TAF3: variants seen among roughly 807,000 people sequenced by gnomAD.
TAF3 encodes the protein transcription initiation factor TFIID subunit 3.
A neutral mutation model predicts 80.6 loss-of-function variants in TAF3; 7 were observed. The ratio of observed to expected loss-of-function variants is 0.09; its 90% confidence interval spans 0.05 to 0.16. The LOEUF (loss-of-function observed/expected upper bound fraction) is 0.16, where lower values mean the gene tolerates loss of function less well. Among genes scored for constraint, TAF3 ranks in the 10% least tolerant of loss-of-function variants. The pLI is 1.00. For synonymous variants in TAF3, 444 were observed against 446.1 expected (o/e 1.00, Z 0.06); for missense variants, 921 against 1,140.2 (o/e 0.81, Z 2.77).
intron 4 of TAF3, among the ~76,000 whole-genome samples, chr10:7,981,403 C>T (rs180814689): frequency 1.5e-3 from 225 of 152,252 alleles, no homozygotes; most frequent in African/African-American, 5.1e-3. Context: ...CTGGTTGGGC[C>T]CCTCTAGACA....
chr10:7,824,182 A>G lies in TAF3; in HGVS notation c.167-136A>G, dbSNP rs544324396. ...GATTCTGTGATACTCTTTAAAATCTATTAAATTCTTTCCAATAACTAGGTT... is the reference window on the plus strand; with the variant it reads ...GATTCTGTGATACTCTTTAAAATCTGTTAAATTCTTTCCAATAACTAGGTT... On this transcript the variant is annotated intron_variant, in intron 1 of 6. Transcript: ENST00000344293. 119 of 1,029,326 alleles carry G rather than the reference A, an allele frequency of 1.2e-4. No individual in the cohort carries two copies. The East Asian group carries it at 2.5e-3, about 22-fold the overall frequency. The allele number at this position is 1,029,326 out of a possible 1,614,324, so 63.8% of individuals were successfully genotyped here.
chr10:7,833,946 G>A (rs1037553185), intron 2 of TAF3: 16 of 373,718 alleles, frequency 4.3e-5, no homozygotes, highest in East Asian at 2.4e-4. Context: ...TGCCATTCCC[G>A]CTGGGCACCA....
intron 2 of TAF3, among the ~76,000 whole-genome samples, chr10:7,956,469 A>G (rs1458766161): frequency 6.6e-6 from 1 of 152,208 alleles, no homozygotes; most frequent in Non-Finnish European, 1.5e-5. Flanking sequence ...CCTGGGCAAC[A>G]GAGTGAGACT....
intron 4 of TAF3, among the ~76,000 whole-genome samples, chr10:7,987,615 C>T (rs528213638): frequency 6.6e-6 from 1 of 152,250 alleles, no homozygotes; most frequent in African/African-American, 2.4e-5. Flanking sequence ...GCCAAATTAT[C>T]TTCTAAAAGG....
At chr10:7,889,515 G>A (rs1464364104) in intron 2 of TAF3, among the ~76,000 whole-genome samples, 1 of 152,168 alleles carries the variant, frequency 6.6e-6, no homozygotes, top group African/African-American at 2.4e-5. Context: ...GCAGAGACTG[G>A]ATTCACAACC....
At chr10:7,993,545 C>T (rs1410987634) in intron 4 of TAF3, among the ~76,000 whole-genome samples, 1 of 152,156 alleles carries the variant, frequency 6.6e-6, no homozygotes. Context: ...GAATATCTCA[C>T]TTTCTGGATT....
intron 4 of TAF3, among the ~76,000 whole-genome samples, chr10:7,989,584 A>G (rs967757497): frequency 6.6e-6 from 1 of 152,236 alleles, no homozygotes; most frequent in Non-Finnish European, 1.5e-5. Flanking sequence ...ATGGTTCTGT[A>G]TACATCATAG....
At chr10:7,842,267 G>A (rs10905235) in intron 2 of TAF3, among the ~76,000 whole-genome samples, 11,290 of 141,190 alleles carry the variant, frequency 0.08, 534 homozygotes, top group Admixed American at 0.14. Context: ...TCTGCCTCCC[G>A]GGCTCAAGCA....
chr10:7,946,918 T>TA (rs1302955158), intron 2 of TAF3, among the ~76,000 whole-genome samples: 1 of 152,154 alleles, frequency 6.6e-6, no homozygotes, highest in Non-Finnish European at 1.5e-5. Flanking sequence ...TTTCTTTTTT[T>TA]AAAAAAATAA....
rs551170000 is a variant in TAF3 at position 7,887,819 on chromosome 10, T to TA, written c.409+63270dup. On this transcript the variant is annotated intron_variant, in intron 2 of 6. Coordinates refer to ENST00000344293, the MANE Select transcript of TAF3 (RefSeq NM_031923.4). ...TCCTTTATAATTTTAATTGGCCACT[T>TA]AAAAAAAAAAACACCAAAACAAATT... Among the ~76,000 whole-genome samples the TA allele has an allele frequency of 4.6e-3, 672 of 146,744 alleles. 2 individuals are homozygous for TA. Among genetic ancestry groups the TA allele is most frequent in the African/African-American group, 0.013 (537 of 40,156 alleles).
intron 2 of TAF3, among the ~76,000 whole-genome samples, chr10:7,957,546 A>T (rs1241293286): frequency 6.6e-6 from 1 of 152,222 alleles, no homozygotes; most frequent in Non-Finnish European, 1.5e-5. Flanking sequence ...ATGGTGTTAA[A>T]GAACTGGTCT....
At chr10:7,932,864 G>T (rs1374098247) in intron 2 of TAF3, among the ~76,000 whole-genome samples, 3 of 151,578 alleles carry the variant, frequency 2.0e-5, no homozygotes, top group African/African-American at 7.3e-5. Flanking sequence ...TTTTTTGTGT[G>T]GACGGGGATC....
intron 3 of TAF3, 85 bp from the exon 4 acceptor site, chr10:7,977,156 T>C: frequency 1.5e-6 from 2 of 1,293,566 alleles, no homozygotes; most frequent in South Asian, 1.2e-5. Flanking sequence ...TTAACTCAGT[T>C]TGTGAGAGTG....
chr10:7,971,372 T>C (rs956723849), intron 3 of TAF3, among the ~76,000 whole-genome samples: 3 of 152,150 alleles, frequency 2.0e-5, no homozygotes, highest in Admixed American at 1.3e-4. Flanking sequence ...TGAGTTTTTT[T>C]CTAACATACC....
chr10:7,937,851 AAGTGTCGGC>A (rs1175444330), intron 2 of TAF3, among the ~76,000 whole-genome samples: 1 of 152,190 alleles, frequency 6.6e-6, no homozygotes, highest in Non-Finnish European at 1.5e-5. Context: ...TCTTTTGTAG[AAGTGTCGGC>A]AAAGGAACAG....
At chr10:7,826,473 C>G (rs927718975) in intron 2 of TAF3, among the ~76,000 whole-genome samples, 1 of 147,036 alleles carries the variant, frequency 6.8e-6, no homozygotes, top group South Asian at 2.1e-4. Context: ...TGTTTTGATA[C>G]TGACTTCTGG....
At chr10:7,909,087 G>A (rs750931566) in intron 2 of TAF3, among the ~76,000 whole-genome samples, 24 of 152,246 alleles carry the variant, frequency 1.6e-4, no homozygotes, top group Admixed American at 9.2e-4. Flanking sequence ...CACCTCTCCC[G>A]TGGAGGCCTG....
intron 4 of TAF3, among the ~76,000 whole-genome samples, chr10:7,978,738 ATGT>A (rs767318898): frequency 4.6e-5 from 7 of 152,240 alleles, no homozygotes; most frequent in Non-Finnish European, 8.8e-5. Flanking sequence ...TAAGAGGAAG[ATGT>A]TGTTATCCAT....
intron 2 of TAF3, among the ~76,000 whole-genome samples, chr10:7,904,434 G>A (rs1413485505): frequency 2.0e-5 from 3 of 152,126 alleles, no homozygotes; most frequent in Non-Finnish European, 4.4e-5. Context: ...TGAGAAAGAC[G>A]TTGTCTGTCC....
Sources: allele counts gnomAD v4.1 joint callset (sites outside exome capture counted in the v4.1 genomes callset), GRCh38; gene constraint gnomAD v4.1.1; transcripts MANE v1.5; gene names NCBI Gene and HGNC (gene_info 2026-07-23, HGNC 2026-07-21).